SLC35E1: variants seen among roughly 807,000 people sequenced by gnomAD.
SLC35E1 encodes the protein solute carrier family 35 member E1, also known as solute carrier family 35, member E1.
Under a neutral mutation model 31.0 loss-of-function variants are expected in SLC35E1, and 12 were observed. That is an observed-to-expected ratio of 0.39 (90% CI 0.25 to 0.63). SLC35E1 has a LOEUF of 0.63. Among genes scored for constraint, SLC35E1 ranks in the 20% least tolerant of loss-of-function variants. The pLI is 0.52. For synonymous variants in SLC35E1, 257 were observed against 264.1 expected, an observed-to-expected ratio of 0.97 and a Z score of 0.26; for missense variants, 429 against 572.2, an observed-to-expected ratio of 0.75 and a Z score of 2.55.
In SLC35E1 at chr19:16,551,103, CT is replaced by C. The variant is rs1303101298; in HGVS notation, c.*2575del. Reference sequence around the variant, plus strand: ...ATATCTCCGCAGTGCAAAATTATCCCTGTTTCTTGTCATTCACCAGTGAGAA... The same window carrying C: ...ATATCTCCGCAGTGCAAAATTATCCCGTTTCTTGTCATTCACCAGTGAGAA... On this transcript the variant is annotated 3_prime_UTR_variant, in exon 6 of 6. Transcript: ENST00000595753. 6.6e-6 allele frequency: 1 copy of C among 152,170 alleles called. No homozygotes were observed. The highest frequency in any genetic ancestry group is 1.9e-4 in the East Asian group (1 of 5,192). 9.4% of individuals were successfully genotyped at this position (152,170 alleles called of 1,614,324 possible).
At chr19:16,567,223 A>G (rs965006856) in intron 3 of SLC35E1, among the ~76,000 whole-genome samples, 3 of 152,038 alleles carry the variant, frequency 2.0e-5, no homozygotes, top group African/African-American at 7.2e-5. Context: ...CTCTATTCCT[A>G]TTGCCTAGGC....
chr19:16,571,002 G>A (rs2122353092), intron 2 of SLC35E1, among the ~76,000 whole-genome samples: 1 of 152,000 alleles, frequency 6.6e-6, no homozygotes, highest in East Asian at 1.9e-4. Context: ...AGAGGCTGAG[G>A]CAGGAGAACT....
At chr19:16,562,069 A>T (rs1399366209) in intron 4 of SLC35E1, among the ~76,000 whole-genome samples, 2 of 152,094 alleles carry the variant, frequency 1.3e-5, no homozygotes, top group Non-Finnish European at 2.9e-5. Flanking sequence ...CATAACATAC[A>T]TAGCCTCAAC....
intron 4 of SLC35E1, among the ~76,000 whole-genome samples, chr19:16,558,600 G>T (rs1343033117): frequency 6.6e-6 from 1 of 151,998 alleles, no homozygotes; most frequent in Non-Finnish European, 1.5e-5. Flanking sequence ...GCCTTCCAAA[G>T]TGCTGGGATT....
Position 16,555,212 on chromosome 19 carries a change from G to A in SLC35E1, c.942C>T (p.Val314=). ...TCATGCCCAGGACGTTGGTGCTGGT[G>A]ACTGGGTTGCGCAGCATGATCAGGG... is the stretch of plus-strand genomic sequence containing the variant. ...TVSLIMLRNP[V]TSTNVLGMMT... The change falls in exon 5 of 6, where the codon GTC becomes GTT. Residue 314 remains valine, a synonymous_variant. Coordinates refer to ENST00000595753, the MANE Select transcript of SLC35E1 (RefSeq NM_024881.5). The surrounding 1 kb of genome is among the most constrained non-coding windows in gnomAD (Gnocchi z 4.1). The A allele has an allele frequency of 6.2e-7, 1 of 1,614,170 alleles. No individual in the cohort carries two copies. The highest frequency in any genetic ancestry group is 8.5e-7 in the Non-Finnish European group (1 of 1,180,020).
chr19:16,566,484 C>T (rs763179332), intron 4 of SLC35E1, 48 bp downstream of exon 4: 12 of 1,609,668 alleles, frequency 7.5e-6, no homozygotes, highest in Non-Finnish European at 9.3e-6. Flanking sequence ...AGCACCTATT[C>T]TGGAACTAGC....
rs1331745237 is a variant in SLC35E1, at chr19:16,555,252, A to G, written c.902T>C (p.Met301Thr). ...YSVANATKRI[M>T]VITVSLIMLR... ...CATGATCAGGGACACCGTGATGACC[A>G]TGATTCTTTTGGTGGCATTGGCGAC... is the stretch of plus-strand genomic sequence containing the variant. The change falls in exon 5 of 6, where the codon ATG (methionine) becomes ACG (threonine). Residue 301 changes from methionine (M) to threonine (T), a missense_variant. By Grantham distance (81) the Met-to-Thr change is moderately conservative. Transcript: ENST00000595753. This position sits in a 1 kb window ranked among gnomAD's most constrained non-coding sequence, Gnocchi z 4.1. 2 of 1,614,208 alleles carry G rather than the reference A, an allele frequency of 1.2e-6. No homozygotes were observed. The highest frequency in any genetic ancestry group is 3.3e-5 in the Admixed American group (2 of 60,026).
Position 16,555,135 on chromosome 19 carries a change from G to C in SLC35E1, c.1002+17C>G. The C allele has an allele frequency of 6.2e-7, 1 of 1,613,398 alleles. No homozygotes were observed. Among genetic ancestry groups the C allele is most frequent in the Non-Finnish European group, 8.5e-7 (1 of 1,179,528 alleles). On this transcript the variant is annotated intron_variant, in intron 5 of 5. Transcript: ENST00000595753. The surrounding 1 kb of genome is among the most constrained non-coding windows in gnomAD (Gnocchi z 4.1). ...GGGGGCCGGCTTCCTTCCCTGCCCAGCCTCTCAGACTCTCACCTTGTTATA... is the reference window on the plus strand; with the variant it reads ...GGGGGCCGGCTTCCTTCCCTGCCCACCCTCTCAGACTCTCACCTTGTTATA...
chr19:16,558,975 G>T (rs1319600856), intron 4 of SLC35E1, among the ~76,000 whole-genome samples: 2 of 150,460 alleles, frequency 1.3e-5, no homozygotes, highest in Non-Finnish European at 3.0e-5. Context: ...TCTCCATGTT[G>T]GTCAGGCTGG....
chr19:16,571,816 C>T (rs2085960222), intron 1 of SLC35E1, 128 bp downstream of exon 1: 14 of 1,087,038 alleles, frequency 1.3e-5, no homozygotes, highest in Middle Eastern at 3.0e-4. Context: ...CCTACCAAAC[C>T]CTTGGCAGCC....
At position 16,566,372 on chromosome 19, in the gene SLC35E1, C is replaced by T. The variant is rs1266632703; in HGVS notation, c.756+160G>A. 22 of 902,948 alleles carry T rather than the reference C, an allele frequency of 2.4e-5. No individual in the cohort carries two copies. In the South Asian group the frequency reaches 2.5e-4, roughly 10 times the overall value. 55.9% of individuals were successfully genotyped at this position (902,948 alleles called of 1,614,324 possible). ...AACCCACTTCCTCGATGGCGTGCAT[C>T]GTCACCGTGAGGCATTACAGAGGAC... On this transcript the variant is annotated intron_variant, in intron 4 of 5. Coordinates refer to ENST00000595753, the MANE Select transcript of SLC35E1 (RefSeq NM_024881.5).
At position 16,553,825 on chromosome 19, in the gene SLC35E1, T is replaced by G. The variant is rs375491945; in HGVS notation, c.1087A>C (p.Ser363Arg). ...ADLSSKERHR[S>R]PLEKPHNGLL... The stretch of plus-strand genomic sequence containing the variant: ...CCGTTGTGGGGCTTCTCCAGTGGGC[T>G]CCGGTGACGCTCCTTGCTGCTCAGG... Residue 363 changes from serine (S) to arginine (R), a missense_variant, in exon 6 of 6, where the codon AGC becomes CGC. Transcript: ENST00000595753. 4.3e-6 allele frequency: 7 copies of G among 1,613,928 alleles called. No homozygotes were observed. In the African/African-American group the frequency reaches 9.3e-5, roughly 22 times the overall value.
Position 16,552,372 on chromosome 19 carries a change from GCT to G in SLC35E1, c.*1305_*1306del, listed in dbSNP as rs1168638243. ...GTTTTTTTTTTTGAGATGGAGTCTC[GCT>G]CTGTTACCCAGGCTGGAGTGCACAA... On this transcript the variant is annotated 3_prime_UTR_variant, in exon 6 of 6. Coordinates refer to ENST00000595753, the MANE Select transcript of SLC35E1 (RefSeq NM_024881.5). 4.0e-5 allele frequency: 6 copies of G among 150,866 alleles called. No individual in the cohort carries two copies. The highest frequency in any genetic ancestry group is 2.0e-4 in the East Asian group (1 of 5,124). The allele number at this position is 150,866 out of a possible 1,614,324, so 9.3% of individuals were successfully genotyped here. A position where few individuals can be genotyped will look rare whatever the true frequency, so the allele number is the denominator to read the frequency against.
At position 16,571,926 on chromosome 19, in the gene SLC35E1, G is replaced by C; in HGVS notation, c.421+18C>G. 1 of 1,533,602 alleles carries C rather than the reference G, an allele frequency of 6.5e-7. No homozygotes were observed. The allele number at this position is 1,533,602 out of a possible 1,614,324, so 95.0% of individuals were successfully genotyped here. On this transcript the variant is annotated intron_variant, in intron 1 of 5. Coordinates refer to ENST00000595753, the MANE Select transcript of SLC35E1 (RefSeq NM_024881.5). ...GGCGGGCCCGGCCGCCGCCCCCGAG[G>C]CCGGGCGCGGAACCTACCGGTGTGT...
At chr19:16,558,957 A>G (rs2085890570) in intron 4 of SLC35E1, among the ~76,000 whole-genome samples, 2 of 149,174 alleles carry the variant, frequency 1.3e-5, no homozygotes, top group Non-Finnish European at 3.0e-5. Context: ...TTTAGTAGAG[A>G]CGGGGTTTCT....
At chr19:16,554,786 A>C (rs1292290797) in intron 5 of SLC35E1, among the ~76,000 whole-genome samples, 40 of 147,914 alleles carry the variant, frequency 2.7e-4, no homozygotes, top group Non-Finnish European at 2.2e-4. Flanking sequence ...CGCCACTGCA[A>C]TCCAGCCTGG....
At position 16,552,159 on chromosome 19, in the gene SLC35E1, G is replaced by T. The variant is rs752314319; in HGVS notation, c.*1520C>A. 1 of 152,116 alleles carries T rather than the reference G, an allele frequency of 6.6e-6. No homozygotes were observed. The highest frequency in any genetic ancestry group is 1.5e-5 in the Non-Finnish European group (1 of 68,030). The allele number at this position is 152,116 out of a possible 1,614,324, so 9.4% of individuals were successfully genotyped here. On this transcript the variant is annotated 3_prime_UTR_variant, in exon 6 of 6. Transcript: ENST00000595753. ...AGATCCTAACATAAACACAAAAACA[G>T]GTCAGGGAACCAAAACACTGTGGTC...
chr19:16,560,152 T>A (rs912259231), intron 4 of SLC35E1, among the ~76,000 whole-genome samples: 4 of 152,142 alleles, frequency 2.6e-5, no homozygotes, highest in African/African-American at 9.7e-5. Context: ...GTATGCTGTT[T>A]AAGATCTCAT....
At position 16,572,370 on chromosome 19, in the gene SLC35E1, C is replaced by A. The variant is rs2085965195; in HGVS notation, c.-6G>T. The A allele has an allele frequency of 1.0e-6, 1 of 1,004,148 alleles. No individual in the cohort carries two copies. 62.2% of individuals were successfully genotyped at this position (1,004,148 alleles called of 1,614,324 possible). ...CCCACCGCGGCCGCCGCCATCCTGC[C>A]CGAGCGGCCGCCCCTTCCAGCCCGT... On this transcript the variant is annotated 5_prime_UTR_variant, in exon 1 of 6. Transcript: ENST00000595753. The surrounding 1 kb of genome is among the most constrained non-coding windows in gnomAD (Gnocchi z 4.1).
Sources: gnomAD v4.1 joint callset for allele counts (sites outside exome capture counted in the v4.1 genomes callset) on GRCh38, gnomAD v4.1.1 for gene constraint, Gnocchi (gnomAD v3.1) non-coding constraint, MANE v1.5 for transcripts, NCBI Gene and HGNC (gene_info 2026-07-23, HGNC 2026-07-21) for gene names.